The following FTMT variants were observed in gnomAD, a reference collection of about 807,000 sequenced individuals.
The protein encoded by FTMT is ferritin, mitochondrial.
A neutral mutation model predicts 4.9 loss-of-function variants in FTMT; 5 were observed. That is an observed-to-expected ratio of 1.03 (90% CI 0.54 to 2.16). The LOEUF (loss-of-function observed/expected upper bound fraction) is 2.16, where lower values mean the gene tolerates loss of function less well. Ranked by LOEUF, FTMT falls within the 30% of genes most tolerant of loss-of-function variation. The pLI is 0.01. For missense variants in FTMT, 393 were observed against 323.0 expected, an observed-to-expected ratio of 1.22 and a Z score of -1.66; for synonymous variants, 174 against 143.6, an observed-to-expected ratio of 1.21 and a Z score of -1.51.
rs1750057191 is a variant in FTMT at position 121,852,086 on chromosome 5, G to A, written c.123G>A (p.Arg41=). Residue 41 remains arginine, a synonymous_variant, in exon 1 of 1, where the codon AGG becomes AGA. Coordinates refer to ENST00000321339, the MANE Select transcript of FTMT (RefSeq NM_177478.2). ...RWAPGRPLDP[R]QIAPRRPLAA... ...CCCCGGGGCGCCCCTTGGACCCCAG[G>A]CAGATCGCCCCCCGCCGCCCCCTGG... 2.5e-6 allele frequency: 4 copies of A among 1,584,230 alleles called. No homozygotes were observed. In the South Asian group the frequency reaches 3.4e-5, roughly 13 times the overall value.
chr5:121,852,723 G>T lies in FTMT; in HGVS notation c.*31G>T, dbSNP rs1393684044. 8.8e-6 allele frequency: 14 copies of T among 1,584,212 alleles called. No homozygotes were observed. The highest frequency in any genetic ancestry group is 1.4e-5 in the African/African-American group (1 of 73,752). ...GAGCTGCCTTCCTCCCAGGCTAGTG[G>T]ATCCAAAGACCAAAGTCAGCTGTCT... On this transcript the variant is annotated 3_prime_UTR_variant, in exon 1 of 1. Transcript: ENST00000321339.
chr5:121,852,179 C>G lies in FTMT; in HGVS notation c.216C>G (p.Phe72Leu). ...GCCCCTCTCGGGTGCGCCAGAACTTCCACCCCGACTCCGAGGCTGCCATCA... is the reference window on the plus strand; with the variant it reads ...GCCCCTCTCGGGTGCGCCAGAACTTGCACCCCGACTCCGAGGCTGCCATCA... ...AAGPSRVRQN[F>L]HPDSEAAINR... The change falls in exon 1 of 1, where the codon TTC becomes TTG. Residue 72 changes from phenylalanine (F) to leucine (L), a missense_variant. Transcript: ENST00000321339. 6.2e-7 allele frequency: 1 copy of G among 1,613,300 alleles called. No individual in the cohort carries two copies. Among genetic ancestry groups the G allele is most frequent in the Non-Finnish European group, 8.5e-7 (1 of 1,179,610 alleles).
At position 121,851,928 on chromosome 5, in the gene FTMT, G is replaced by A. The variant is rs767411901; in HGVS notation, c.-36G>A. ...CGCCCGACCCCACGCCAAGAGGGCC[G>A]GGCCTCAGTTTCCCCACTTCCAAGG... On this transcript the variant is annotated 5_prime_UTR_variant, in exon 1 of 1. Transcript: ENST00000321339. 6 of 1,545,898 alleles carry A rather than the reference G, an allele frequency of 3.9e-6. No individual in the cohort carries two copies. The highest frequency in any genetic ancestry group is 2.5e-5 in the East Asian group (1 of 40,468).
chr5:121,852,348 C>T lies in FTMT; in HGVS notation c.385C>T (p.Leu129=), dbSNP rs778997357. ...GGAGGAGACCGAGCACGCGGAGAAG[C>T]TGATGAGGCTGCAGAACCAGCGAGG... ...SREETEHAEK[L]MRLQNQRGGR... Residue 129 remains leucine, a synonymous_variant, in exon 1 of 1, where the codon CTG becomes TTG. Transcript: ENST00000321339. 1.2e-6 allele frequency: 2 copies of T among 1,614,192 alleles called. No homozygotes were observed. Among genetic ancestry groups the T allele is most frequent in the South Asian group, 2.2e-5 (2 of 91,076 alleles).
chr5:121,852,720 G>T lies in FTMT; in HGVS notation c.*28G>T. ...CACGAGCTGCCTTCCTCCCAGGCTA[G>T]TGGATCCAAAGACCAAAGTCAGCTG... On this transcript the variant is annotated 3_prime_UTR_variant, in exon 1 of 1. Coordinates refer to ENST00000321339, the MANE Select transcript of FTMT (RefSeq NM_177478.2). 6.3e-7 allele frequency: 1 copy of T among 1,587,390 alleles called. No individual in the cohort carries two copies. Among genetic ancestry groups the T allele is most frequent in the Non-Finnish European group, 8.6e-7 (1 of 1,166,930 alleles).
Position 121,852,794 on chromosome 5 carries a change from G to A in FTMT, c.*102G>A. ...ATCACCTCCATCTTTATATTCTTCT[G>A]TTATACTATTCCTCCAATAAAGTGA... On this transcript the variant is annotated 3_prime_UTR_variant, in exon 1 of 1. Transcript: ENST00000321339. 1 of 1,319,520 alleles carries A rather than the reference G, an allele frequency of 7.6e-7. No homozygotes were observed. The highest frequency in any genetic ancestry group is 1.4e-5 in the South Asian group (1 of 69,950). 81.7% of individuals were successfully genotyped at this position (1,319,520 alleles called of 1,614,324 possible).
At position 121,852,678 on chromosome 5, in the gene FTMT, A is replaced by T; in HGVS notation, c.715A>T (p.Asn239Tyr). 6.2e-7 allele frequency: 1 copy of T among 1,613,082 alleles called. No individual in the cohort carries two copies. Among genetic ancestry groups the T allele is most frequent in the Non-Finnish European group, 8.5e-7 (1 of 1,179,474 alleles). The change falls in exon 1 of 1, where the codon AAC becomes TAC. Residue 239 changes from asparagine to tyrosine, a missense_variant. Transcript: ENST00000321339. ...TGACACACATACCCTTGGAAATGAA[A>T]ACAAGCAGAACTAAGCCACGAGCTG... ...LFDTHTLGNE[N>Y]KQN
At position 121,852,175 on chromosome 5, in the gene FTMT, A is replaced by T. The variant is rs1341193120; in HGVS notation, c.212A>T (p.Asn71Ile). Residue 71 changes from asparagine to isoleucine, a missense_variant, in exon 1 of 1, where the codon AAC (asparagine) becomes ATC (isoleucine). By Grantham distance (149) the Asn-to-Ile change is moderately radical. Coordinates refer to ENST00000321339, the MANE Select transcript of FTMT (RefSeq NM_177478.2). Reference sequence around the variant, plus strand: ...GCCGGCCCCTCTCGGGTGCGCCAGAACTTCCACCCCGACTCCGAGGCTGCC... The same window carrying T: ...GCCGGCCCCTCTCGGGTGCGCCAGATCTTCCACCCCGACTCCGAGGCTGCC... ...PAAGPSRVRQ[N>I]FHPDSEAAIN... 1 of 1,612,998 alleles carries T rather than the reference A, an allele frequency of 6.2e-7. No individual in the cohort carries two copies.
At position 121,852,476 on chromosome 5, in the gene FTMT, C is replaced by T. The variant is rs768983460; in HGVS notation, c.513C>T (p.Asn171=). 2.5e-6 allele frequency: 4 copies of T among 1,614,066 alleles called. No individual in the cohort carries two copies. The highest frequency in any genetic ancestry group is 3.4e-6 in the Non-Finnish European group (4 of 1,180,020). ...ECALLLEKNV[N]QSLLELHALA... is the part of the protein sequence containing the mutation. ...CTCTACTCTTGGAAAAGAACGTGAA[C>T]CAGTCGTTGCTGGAATTGCACGCTC... is the stretch of plus-strand genomic sequence containing the variant. The change falls in exon 1 of 1, where the codon AAC becomes AAT. Residue 171 remains asparagine (N), a synonymous_variant. Transcript: ENST00000321339.
In FTMT at chr5:121,851,994, C is replaced by T; in HGVS notation, c.31C>T (p.His11Tyr). MLSCFRLLSR[H>Y]ISPSLASLRP... Reference sequence around the variant, plus strand: ...GTCCTGCTTCAGGCTCCTCTCCAGGCACATCAGCCCTTCGCTGGCGTCTCT... The same window carrying T: ...GTCCTGCTTCAGGCTCCTCTCCAGGTACATCAGCCCTTCGCTGGCGTCTCT... The change falls in exon 1 of 1, where the codon CAC (histidine) becomes TAC (tyrosine). Residue 11 changes from histidine (H) to tyrosine (Y), a missense_variant. Transcript: ENST00000321339. 2 of 1,594,002 alleles carry T rather than the reference C, an allele frequency of 1.3e-6. No individual in the cohort carries two copies. The highest frequency in any genetic ancestry group is 1.7e-6 in the Non-Finnish European group (2 of 1,175,902).
Position 121,852,097 on chromosome 5 carries a change from C to CCCG in FTMT, c.140_142dup (p.Arg47dup). ...CCCTTGGACCCCAGGCAGATCGCCC[C>CCCG]CCGCCGCCCCCTGGCCGCAGCCGCC... is the stretch of plus-strand genomic sequence containing the variant. On this transcript the variant is annotated inframe_insertion, in exon 1 of 1. Transcript: ENST00000321339. 1 of 1,575,544 alleles carries CCCG rather than the reference C, an allele frequency of 6.3e-7. No individual in the cohort carries two copies. The highest frequency in any genetic ancestry group is 8.6e-7 in the Non-Finnish European group (1 of 1,166,392).
Position 121,852,697 on chromosome 5 carries a change from C to G in FTMT, c.*5C>G. 6.2e-7 allele frequency: 1 copy of G among 1,607,060 alleles called. No homozygotes were observed. Among genetic ancestry groups the G allele is most frequent in the South Asian group, 1.1e-5 (1 of 90,202 alleles). Reference sequence around the variant, plus strand: ...AATGAAAACAAGCAGAACTAAGCCACGAGCTGCCTTCCTCCCAGGCTAGTG... The same window carrying G: ...AATGAAAACAAGCAGAACTAAGCCAGGAGCTGCCTTCCTCCCAGGCTAGTG... On this transcript the variant is annotated 3_prime_UTR_variant, in exon 1 of 1. Coordinates refer to ENST00000321339, the MANE Select transcript of FTMT (RefSeq NM_177478.2).
rs1460320976 is a variant in FTMT, at chr5:121,852,049, C to T, written c.86C>T (p.Pro29Leu). The T allele has an allele frequency of 3.1e-6, 5 of 1,593,304 alleles. No homozygotes were observed. The highest frequency in any genetic ancestry group is 1.7e-5 in the Admixed American group (1 of 59,102). ...LRPVRCCFAL[P>L]LRWAPGRPLD... Reference sequence around the variant, plus strand: ...CCGGTGCGCTGCTGCTTCGCGCTCCCGCTGCGTTGGGCCCCGGGGCGCCCC... The same window carrying T: ...CCGGTGCGCTGCTGCTTCGCGCTCCTGCTGCGTTGGGCCCCGGGGCGCCCC... The change falls in exon 1 of 1, where the codon CCG (proline) becomes CTG (leucine). Residue 29 changes from proline (P) to leucine (L), a missense_variant. By Grantham distance (98) the Pro-to-Leu change is moderately conservative. Transcript: ENST00000321339.
chr5:121,852,064 CG>C lies in FTMT; in HGVS notation c.105del (p.Arg36AlafsTer73). 6.3e-7 allele frequency: 1 copy of C among 1,590,602 alleles called. No individual in the cohort carries two copies. On this transcript the variant is annotated frameshift_variant, in exon 1 of 1. Transcript: ENST00000321339. LOFTEE classifies it low-confidence loss of function (END_TRUNC). ...TTCGCGCTCCCGCTGCGTTGGGCCC[CG>C]GGGCGCCCCTTGGACCCCAGGCAGA... ...CCFALPLRWA[P>X]GRPLDPRQIA...
rs777969620 is a variant in FTMT, at chr5:121,852,109, T to G, written c.146T>G (p.Leu49Arg). Residue 49 changes from leucine (L) to arginine (R), a missense_variant, in exon 1 of 1, where the codon CTG (leucine) becomes CGG (arginine). Transcript: ENST00000321339. The part of the protein sequence containing the change: ...DPRQIAPRRP[L>R]AAAASSRDPT... Reference sequence around the variant, plus strand: ...AGGCAGATCGCCCCCCGCCGCCCCCTGGCCGCAGCCGCCTCCTCCCGGGAC... The same window carrying G: ...AGGCAGATCGCCCCCCGCCGCCCCCGGGCCGCAGCCGCCTCCTCCCGGGAC... The G allele has an allele frequency of 3.0e-5, 47 of 1,571,336 alleles. 2 individuals carry two copies. The highest frequency in any genetic ancestry group is 3.9e-5 in the Non-Finnish European group (45 of 1,162,906).
Position 121,852,681 on chromosome 5 carries a change from A to C in FTMT, c.718A>C (p.Lys240Gln). The C allele has an allele frequency of 6.2e-7, 1 of 1,612,210 alleles. No individual in the cohort carries two copies. The highest frequency in any genetic ancestry group is 1.1e-5 in the South Asian group (1 of 90,894). Reference protein sequence around the residue: ...FDTHTLGNENKQN With the variant: ...FDTHTLGNENQQN ...CACACATACCCTTGGAAATGAAAAC[A>C]AGCAGAACTAAGCCACGAGCTGCCT... Residue 240 changes from lysine to glutamine, a missense_variant, in exon 1 of 1, where the codon AAG (lysine) becomes CAG (glutamine). By Grantham distance (53) the Lys-to-Gln change is moderately conservative (BLOSUM62 1). Coordinates refer to ENST00000321339, the MANE Select transcript of FTMT (RefSeq NM_177478.2).
At position 121,852,518 on chromosome 5, in the gene FTMT, T is replaced by A; in HGVS notation, c.555T>A (p.Gly185=). 6.2e-7 allele frequency: 1 copy of A among 1,614,094 alleles called. No individual in the cohort carries two copies. Among genetic ancestry groups the A allele is most frequent in the Non-Finnish European group, 8.5e-7 (1 of 1,180,018 alleles). Residue 185 remains glycine, a synonymous_variant, in exon 1 of 1, where the codon GGT becomes GGA. Transcript: ENST00000321339. ...LELHALASDK[G]DPHLCDFLET... ...TGCACGCTCTAGCCTCAGATAAAGG[T>A]GACCCCCATTTGTGCGATTTCCTGG...
In FTMT at chr5:121,852,456, C is replaced by G. The variant is rs1244260286; in HGVS notation, c.493C>G (p.Leu165Val). The G allele has an allele frequency of 6.2e-7, 1 of 1,614,110 alleles. No homozygotes were observed. Reference sequence around the variant, plus strand: ...GCTGCATGCCATGGAGTGTGCTCTACTCTTGGAAAAGAACGTGAACCAGTC... The same window carrying G: ...GCTGCATGCCATGGAGTGTGCTCTAGTCTTGGAAAAGAACGTGAACCAGTC... ...SGLHAMECAL[L>V]LEKNVNQSLL... Residue 165 changes from leucine (L) to valine (V), a missense_variant, in exon 1 of 1, where the codon CTC becomes GTC. Leu to Val is a conservative substitution (Grantham distance 32). Transcript: ENST00000321339.
chr5:121,852,196 C>T lies in FTMT; in HGVS notation c.233C>T (p.Ala78Val). 2 of 1,613,970 alleles carry T rather than the reference C, an allele frequency of 1.2e-6. No individual in the cohort carries two copies. The highest frequency in any genetic ancestry group is 1.7e-5 in the Admixed American group (1 of 60,022). Residue 78 changes from alanine to valine, a missense_variant, in exon 1 of 1, where the codon GCT (alanine) becomes GTT (valine). Coordinates refer to ENST00000321339, the MANE Select transcript of FTMT (RefSeq NM_177478.2). Reference sequence around the variant, plus strand: ...CAGAACTTCCACCCCGACTCCGAGGCTGCCATCAACCGCCAGATCAACCTC... The same window carrying T: ...CAGAACTTCCACCCCGACTCCGAGGTTGCCATCAACCGCCAGATCAACCTC... Reference protein sequence around the residue: ...VRQNFHPDSEAAINRQINLEL... With the variant: ...VRQNFHPDSEVAINRQINLEL...
Sources: allele counts gnomAD v4.1 joint callset, GRCh38; gene constraint gnomAD v4.1.1; transcripts MANE v1.5; gene names NCBI Gene and HGNC (gene_info 2026-07-23, HGNC 2026-07-21).